The following TP53INP1 variants were observed in gnomAD, a reference collection of about 807,000 sequenced individuals.
The protein encoded by TP53INP1 is tumor protein p53-inducible nuclear protein 1.
TP53INP1 carries 12 observed loss-of-function variants against 21.0 expected under a neutral mutation model. That is an observed-to-expected ratio of 0.57 (90% CI 0.37 to 0.93). The LOEUF (loss-of-function observed/expected upper bound fraction) is 0.93. Ranked by LOEUF, TP53INP1 falls within the 40% of genes least tolerant of loss-of-function variation. The pLI is 0.01. For missense variants in TP53INP1, 274 were observed against 294.7 expected (o/e 0.93, Z 0.51); for synonymous variants, 91 against 94.8 (o/e 0.96, Z 0.23).
Position 94,941,020 on chromosome 8 carries a change from G to A in TP53INP1, c.-79C>T. Reference sequence around the variant, plus strand: ...AAACCTTGTCTTTAGTTGGCCCAATGGTACCGACAGGAGATTAAAGTGCAC... The same window carrying A: ...AAACCTTGTCTTTAGTTGGCCCAATAGTACCGACAGGAGATTAAAGTGCAC... On this transcript the variant is annotated 5_prime_UTR_variant, in exon 2 of 4. Coordinates refer to ENST00000342697, the MANE Select transcript of TP53INP1 (RefSeq NM_033285.4). 9.8e-7 allele frequency: 1 copy of A among 1,018,526 alleles called. No homozygotes were observed. The highest frequency in any genetic ancestry group is 1.5e-6 in the Non-Finnish European group (1 of 664,870). 63.1% of individuals were successfully genotyped at this position (1,018,526 alleles called of 1,614,324 possible).
At chr8:94,932,129 C>G (rs1370178328) in intron 3 of TP53INP1, 9 of 1,604,536 alleles carry the variant, frequency 5.6e-6, no homozygotes, top group Non-Finnish European at 7.7e-6. Flanking sequence ...AAATGGTGAA[C>G]TATTAAATCA....
chr8:94,944,017 A>G (rs1255040822), intron 1 of TP53INP1, among the ~76,000 whole-genome samples: 1 of 152,268 alleles, frequency 6.6e-6, no homozygotes, highest in East Asian at 1.9e-4. Context: ...TGATGTAAAT[A>G]AAGATTTTTG....
chr8:94,941,964 C>T (rs1416983291), intron 1 of TP53INP1, among the ~76,000 whole-genome samples: 1 of 152,104 alleles, frequency 6.6e-6, no homozygotes, highest in African/African-American at 2.4e-5. Context: ...TATACACTGC[C>T]CTTCATCCCT....
intron 3 of TP53INP1, among the ~76,000 whole-genome samples, chr8:94,938,272 T>C (rs760124740): frequency 7.9e-5 from 12 of 152,238 alleles, no homozygotes; most frequent in Non-Finnish European, 1.5e-4. Flanking sequence ...AATGAATTAC[T>C]GACTGAATGG....
intron 3 of TP53INP1, chr8:94,932,072 T>C (rs768768820): frequency 1.2e-6 from 2 of 1,610,086 alleles, no homozygotes; most frequent in South Asian, 1.1e-5. Flanking sequence ...ATACTTACTC[T>C]GTGCCCGTGA....
chr8:94,946,711 A>AAAAAAAAAAAAAAAC (rs1216886053), intron 1 of TP53INP1, among the ~76,000 whole-genome samples: 1 of 148,196 alleles, frequency 6.7e-6, no homozygotes, highest in African/African-American at 2.5e-5. Flanking sequence ...AAAAAAAAAA[A>AAAAAAAAAAAAAAAC]AAAAAAAAAG....
intron 3 of TP53INP1, among the ~76,000 whole-genome samples, chr8:94,935,136 G>GAT (rs151329305): frequency 6.8e-6 from 1 of 146,082 alleles, no homozygotes; most frequent in African/African-American, 2.6e-5. Context: ...GATATAGATA[G>GAT]ATAGATAGAT....
chr8:94,945,514 C>A (rs1219169480), intron 1 of TP53INP1: 1 of 152,120 alleles, frequency 6.6e-6, no homozygotes, highest in Non-Finnish European at 1.5e-5. Flanking sequence ...AAAGGCCTAC[C>A]CTCCTACTGA....
chr8:94,931,189 G>A (rs2131313310), intron 3 of TP53INP1, among the ~76,000 whole-genome samples: 1 of 152,130 alleles, frequency 6.6e-6, no homozygotes, highest in South Asian at 2.1e-4. Context: ...ACCTTCACAA[G>A]ACATTTCCTG....
chr8:94,928,135 C>G lies in TP53INP1; in HGVS notation c.*2344G>C, dbSNP rs1336297940. 6.6e-6 allele frequency: 1 copy of G among 152,026 alleles called. No individual in the cohort carries two copies. Among genetic ancestry groups the G allele is most frequent in the Non-Finnish European group, 1.5e-5 (1 of 68,006 alleles). The allele number at this position is 152,026 out of a possible 1,614,324, so 9.4% of individuals were successfully genotyped here. ...ATGATATTCCAGGTGGTGTGGTAATCCCAACCTTGAAAAAAAGCCCAACGA... is the reference window on the plus strand; with the variant it reads ...ATGATATTCCAGGTGGTGTGGTAATGCCAACCTTGAAAAAAAGCCCAACGA... On this transcript the variant is annotated 3_prime_UTR_variant, in exon 4 of 4. Coordinates refer to ENST00000342697, the MANE Select transcript of TP53INP1 (RefSeq NM_033285.4).
At chr8:94,933,538 G>A (rs192887236) in intron 3 of TP53INP1, among the ~76,000 whole-genome samples, 1 of 152,252 alleles carries the variant, frequency 6.6e-6, no homozygotes, top group African/African-American at 2.4e-5. Flanking sequence ...GCCAAGGCAG[G>A]TGGCTCACCT....
In TP53INP1 at chr8:94,929,675, G is replaced by A. The variant is rs917033679; in HGVS notation, c.*804C>T. ...GAGGTGAGGAGTGGACAGAATTGGCGGGAAGGAATAGTAACAAATTAAATA... is the reference window on the plus strand; with the variant it reads ...GAGGTGAGGAGTGGACAGAATTGGCAGGAAGGAATAGTAACAAATTAAATA... On this transcript the variant is annotated 3_prime_UTR_variant, in exon 4 of 4. Coordinates refer to ENST00000342697, the MANE Select transcript of TP53INP1 (RefSeq NM_033285.4). 2.0e-5 allele frequency: 3 copies of A among 152,194 alleles called. No individual in the cohort carries two copies. The highest frequency in any genetic ancestry group is 7.2e-5 in the African/African-American group (3 of 41,448). The allele number at this position is 152,194 out of a possible 1,614,324, so 9.4% of individuals were successfully genotyped here.
Position 94,930,587 on chromosome 8 carries a change from G to T in TP53INP1, c.615C>A (p.Asn205Lys), listed in dbSNP as rs757108010. Residue 205 changes from asparagine (N) to lysine (K), a missense_variant, in exon 4 of 4, where the codon AAC (asparagine) becomes AAA (lysine). Transcript: ENST00000342697. ...IKEHSERQPL[N>K]RNSLRRQNLT... is the part of the protein sequence containing the mutation. ...GATTTTGGCGACGAAGGCTATTTCTGTTAAGAGGCTGTCTTTCACTGTGTT... is the reference window on the plus strand; with the variant it reads ...GATTTTGGCGACGAAGGCTATTTCTTTTAAGAGGCTGTCTTTCACTGTGTT... The T allele has an allele frequency of 5.0e-6, 8 of 1,614,118 alleles. No homozygotes were observed. Among genetic ancestry groups the T allele is most frequent in the Non-Finnish European group, 6.8e-6 (8 of 1,180,052 alleles).
chr8:94,931,587 T>C (rs75775560), intron 3 of TP53INP1, among the ~76,000 whole-genome samples: 3 of 68,532 alleles, frequency 4.4e-5, no homozygotes, highest in Non-Finnish European at 1.2e-4. Context: ...ACATATTTAT[T>C]ACACACACAC....
In TP53INP1 at chr8:94,929,726, A is replaced by G. The variant is rs935799537; in HGVS notation, c.*753T>C. The G allele has an allele frequency of 6.6e-5, 10 of 152,246 alleles. No individual in the cohort carries two copies. The highest frequency in any genetic ancestry group is 2.4e-4 in the African/African-American group (10 of 41,460). The allele number at this position is 152,246 out of a possible 1,614,324, so 9.4% of individuals were successfully genotyped here. A position where few individuals can be genotyped will look rare whatever the true frequency, so the allele number is the denominator to read the frequency against. ...CTGCACTAATGGGTTAGTTACAGAC[A>G]TGAATTTTTCCAAATATAATCTCAC... On this transcript the variant is annotated 3_prime_UTR_variant, in exon 4 of 4. Transcript: ENST00000342697.
intron 1 of TP53INP1, among the ~76,000 whole-genome samples, chr8:94,943,458 G>A (rs894335474): frequency 3.3e-5 from 5 of 152,156 alleles, no homozygotes; most frequent in Non-Finnish European, 5.9e-5. Context: ...CTGTACTCCA[G>A]TGTGAGTGAC....
chr8:94,940,769 G>T, intron 2 of TP53INP1, 61 bp downstream of exon 2: 1 of 1,284,108 alleles, frequency 7.8e-7, no homozygotes, highest in South Asian at 1.3e-5. Context: ...TGCAAAAACT[G>T]AGATGCAAGT....
At chr8:94,946,696 C>CAAA (rs71273438) in intron 1 of TP53INP1, among the ~76,000 whole-genome samples, 7,567 of 34,612 alleles carry the variant, frequency 0.22, 1,858 homozygotes, top group Admixed American at 0.3. Flanking sequence ...GACCCTGTCT[C>CAAA]AAAAAAAAAA....
intron 3 of TP53INP1, among the ~76,000 whole-genome samples, chr8:94,934,446 C>T (rs570989951): frequency 2.0e-5 from 3 of 151,216 alleles, no homozygotes; most frequent in East Asian, 3.9e-4. Context: ...AGTGCAATGG[C>T]GTGATCTCAG....
Sources: allele counts gnomAD v4.1 joint callset (sites outside exome capture counted in the v4.1 genomes callset), GRCh38; gene constraint gnomAD v4.1.1; transcripts MANE v1.5; gene names NCBI Gene and HGNC (gene_info 2026-07-23, HGNC 2026-07-21).